The following RABGAP1L variants were observed in gnomAD, a reference collection of about 807,000 sequenced individuals.
RABGAP1L encodes the protein rab GTPase-activating protein 1-like.
In RABGAP1L, 63 loss-of-function variants were observed where a neutral mutation model predicts 137.7. The observed-to-expected ratio is 0.46, with a 90% CI of 0.37 to 0.56. RABGAP1L has a LOEUF of 0.56. Ranked by LOEUF, RABGAP1L falls within the 20% of genes least tolerant of loss-of-function variation. The pLI is 0.00. For synonymous variants in RABGAP1L, 431 were observed against 433.7 expected (o/e 0.99, Z 0.08); for missense variants, 1,095 against 1,244.0 (o/e 0.88, Z 1.80).
intron 11 of RABGAP1L, among the ~76,000 whole-genome samples, chr1:174,316,100 A>G (rs1679354257): frequency 2.0e-5 from 3 of 152,008 alleles, no homozygotes; most frequent in Non-Finnish European, 2.9e-5. Flanking sequence ...AATTATTTCA[A>G]TCTCTGTTAT....
chr1:174,453,014 T>C (rs768490744), intron 13 of RABGAP1L, among the ~76,000 whole-genome samples: 5 of 152,214 alleles, frequency 3.3e-5, no homozygotes, highest in Non-Finnish European at 7.3e-5. Flanking sequence ...ATTCAAATTT[T>C]GGGGTTAAAC....
intron 20 of RABGAP1L, among the ~76,000 whole-genome samples, chr1:174,968,822 C>T (rs1410056038): frequency 6.6e-6 from 1 of 151,992 alleles, no homozygotes; most frequent in Non-Finnish European, 1.5e-5. Flanking sequence ...CAATATGAAC[C>T]CTGTCTTAGA....
chr1:174,452,014 T>G (rs753890819), intron 13 of RABGAP1L, among the ~76,000 whole-genome samples: 5 of 152,176 alleles, frequency 3.3e-5, no homozygotes, highest in Non-Finnish European at 5.9e-5. Context: ...GTTTATTTAT[T>G]TACTATAGTA....
In RABGAP1L at chr1:174,394,152, A is replaced by T; in HGVS notation, c.1710+7A>T. The T allele has an allele frequency of 6.2e-7, 1 of 1,609,628 alleles. No individual in the cohort carries two copies. Among genetic ancestry groups the T allele is most frequent in the Non-Finnish European group, 8.5e-7 (1 of 1,178,152 alleles). ...CCGAATTCTTATCACAAAGGTAGGA[A>T]GAAGTTCTTTTCATATTATTTTCAT... On this transcript the variant is annotated splice_region_variant and intron_variant, in intron 13 of 25. Coordinates refer to ENST00000681986, the MANE Select transcript of RABGAP1L (RefSeq NM_001366446.1).
At chr1:174,174,130 T>G (rs1236224608) in intron 1 of RABGAP1L, among the ~76,000 whole-genome samples, 1 of 150,910 alleles carries the variant, frequency 6.6e-6, no homozygotes, top group Non-Finnish European at 1.5e-5. Flanking sequence ...GATGCTGCAA[T>G]AAACATACTG....
intron 1 of RABGAP1L, among the ~76,000 whole-genome samples, chr1:174,174,901 C>G (rs180797724): frequency 1.3e-5 from 2 of 152,336 alleles, no homozygotes; most frequent in Admixed American, 6.5e-5. Context: ...GAAACACCCT[C>G]ATAGGCAAAT....
chr1:174,291,946 G>T (rs1484502819), intron 10 of RABGAP1L, among the ~76,000 whole-genome samples: 1 of 149,004 alleles, frequency 6.7e-6, no homozygotes, highest in Non-Finnish European at 1.5e-5. Flanking sequence ...TATTCCCTTT[G>T]TTGTTTCATT....
chr1:174,911,991 A>G lies in RABGAP1L; in HGVS notation c.2341-45466A>G, dbSNP rs144532318. On this transcript the variant is annotated intron_variant, in intron 19 of 25. Coordinates refer to ENST00000681986, the MANE Select transcript of RABGAP1L (RefSeq NM_001366446.1). ...TCTATTGCCCTGTTAAAGTAACTCAAAGATATGCCCAAAGAATTGGATACT... is the reference window on the plus strand; with the variant it reads ...TCTATTGCCCTGTTAAAGTAACTCAGAGATATGCCCAAAGAATTGGATACT... Among the ~76,000 whole-genome samples, 625 of 152,336 alleles carry G rather than the reference A, an allele frequency of 4.1e-3. 3 individuals carry two copies. Among genetic ancestry groups the G allele is most frequent in the Middle Eastern group, 0.014 (4 of 294 alleles).
chr1:174,985,774 T>C (rs1277120897), intron 24 of RABGAP1L, among the ~76,000 whole-genome samples: 5 of 152,200 alleles, frequency 3.3e-5, no homozygotes. Flanking sequence ...AAAATAGCAT[T>C]GGCTTAAACA....
chr1:174,961,646 A>T (rs999774615), intron 20 of RABGAP1L, among the ~76,000 whole-genome samples: 4 of 149,996 alleles, frequency 2.7e-5, no homozygotes, highest in Non-Finnish European at 5.9e-5. Context: ...GGAGTTCCAG[A>T]CCAGCCTGGC....
chr1:174,196,575 CTT>C (rs746727810), intron 1 of RABGAP1L, among the ~76,000 whole-genome samples: 3 of 140,546 alleles, frequency 2.1e-5, no homozygotes, highest in Admixed American at 7.1e-5. Flanking sequence ...AATCTTTTTT[CTT>C]TTTTTTTTTT....
In RABGAP1L at chr1:174,394,059, G is replaced by A; in HGVS notation, c.1624G>A (p.Ala542Thr). The A allele has an allele frequency of 6.2e-7, 1 of 1,613,874 alleles. No individual in the cohort carries two copies. The highest frequency in any genetic ancestry group is 1.1e-5 in the South Asian group (1 of 91,068). ...TCTGGTGAAGAGTGGTGTCCCTGAA[G>A]CATTGAGGGCAGAGGTATGGCAGTT... ...STLVKSGVPE[A>T]LRAEVWQLLA... The change falls in exon 13 of 26, where the codon GCA becomes ACA. Residue 542 changes from alanine to threonine, a missense_variant. Ala to Thr is a moderately conservative substitution (Grantham distance 58). Transcript: ENST00000681986.
chr1:174,842,119 T>A (rs1693477384), intron 19 of RABGAP1L, among the ~76,000 whole-genome samples: 1 of 152,224 alleles, frequency 6.6e-6, no homozygotes, highest in Non-Finnish European at 1.5e-5. Flanking sequence ...ATATAGTTTG[T>A]TCATATAACA....
Position 174,752,221 on chromosome 1 carries a change from A to T in RABGAP1L, c.2170-92A>T, listed in dbSNP as rs1262574386. 6 of 955,754 alleles carry T rather than the reference A, an allele frequency of 6.3e-6. No individual in the cohort carries two copies. The African/African-American group carries it at 1.0e-4, about 17-fold the overall frequency. 59.2% of individuals were successfully genotyped at this position (955,754 alleles called of 1,614,324 possible). A position where few individuals can be genotyped will look rare whatever the true frequency, so the allele number is the denominator to read the frequency against. ...GTTTGTGAAGATGAAAGCAATTAGG[A>T]ATTTTATTAAATATATGTGGAAGTC... On this transcript the variant is annotated intron_variant, in intron 17 of 25. Transcript: ENST00000681986.
intron 13 of RABGAP1L, among the ~76,000 whole-genome samples, chr1:174,517,065 T>C (rs1030140724): frequency 6.6e-6 from 1 of 152,056 alleles, no homozygotes; most frequent in African/African-American, 2.4e-5. Flanking sequence ...GCTCATCAAT[T>C]ATTCCAAAGA....
chr1:174,625,111 A>T (rs1672849010), intron 13 of RABGAP1L, among the ~76,000 whole-genome samples: 1 of 152,118 alleles, frequency 6.6e-6, no homozygotes, highest in Admixed American at 6.5e-5. Context: ...TGATCTCATG[A>T]TCCACCCACC....
At chr1:174,605,372 C>T (rs1329024657) in intron 13 of RABGAP1L, among the ~76,000 whole-genome samples, 1 of 152,168 alleles carries the variant, frequency 6.6e-6, no homozygotes, top group Non-Finnish European at 1.5e-5. Flanking sequence ...AGCAAAATGG[C>T]TTGAGCATCT....
intron 11 of RABGAP1L, among the ~76,000 whole-genome samples, chr1:174,349,616 C>T (rs1400034447): frequency 2.9e-5 from 4 of 138,920 alleles, no homozygotes; most frequent in African/African-American, 1.1e-4. Context: ...CCGGATGGGG[C>T]GGCTGGCCGG....
rs1672265291 is a variant in RABGAP1L, at chr1:174,994,716, G to T, written c.*4715G>T. 6.6e-6 allele frequency: 1 copy of T among 152,184 alleles called. No individual in the cohort carries two copies. Among genetic ancestry groups the T allele is most frequent in the South Asian group, 2.1e-4 (1 of 4,836 alleles). 9.4% of individuals were successfully genotyped at this position (152,184 alleles called of 1,614,324 possible). A position where few individuals can be genotyped will look rare whatever the true frequency, so the allele number is the denominator to read the frequency against. ...ATCCAAGATGTCCCAAAAGCCTTTT[G>T]TATCAGTTTCTCTATTTTTGGTATT... is the stretch of plus-strand genomic sequence containing the variant. On this transcript the variant is annotated 3_prime_UTR_variant, in exon 26 of 26. Transcript: ENST00000681986.
Sources: gnomAD v4.1 joint callset for allele counts (sites outside exome capture counted in the v4.1 genomes callset) on GRCh38, gnomAD v4.1.1 for gene constraint, MANE v1.5 for transcripts, NCBI Gene and HGNC (gene_info 2026-07-23, HGNC 2026-07-21) for gene names.